Variants in CACNA2D3 observed in about 807,000 individuals in gnomAD.
CACNA2D3 encodes the protein calcium voltage-gated channel auxiliary subunit alpha2delta 3.
CACNA2D3 carries 60 observed loss-of-function variants against 160.6 expected under a neutral mutation model. The ratio of observed to expected loss-of-function variants is 0.37; its 90% CI spans 0.30 to 0.46. CACNA2D3 has a LOEUF of 0.46. CACNA2D3 is among the 20% of genes least tolerant of loss of function. The pLI, the probability that CACNA2D3 is intolerant of heterozygous loss-of-function variation, is 1.00. For synonymous variants in CACNA2D3, 558 were observed against 492.9 expected (o/e 1.13, Z -1.75); for missense variants, 1,205 against 1,365.0 (o/e 0.88, Z 1.85).
intron 11 of CACNA2D3, among the ~76,000 whole-genome samples, chr3:54,674,474 G>C (rs554766695): frequency 5.3e-5 from 8 of 152,196 alleles, no homozygotes; most frequent in Non-Finnish European, 1.5e-5. Flanking sequence ...AAGGATGACC[G>C]GCAGTGGGGA....
At chr3:54,840,317 CCCCCATTTTATAG>C (rs2106762858) in intron 16 of CACNA2D3, among the ~76,000 whole-genome samples, 1 of 152,002 alleles carries the variant, frequency 6.6e-6, no homozygotes, top group South Asian at 2.1e-4. Flanking sequence ...ATTACGGTCA[CCCCCATTTTATAG>C]TTAAAGAAAC....
chr3:54,942,723 T>TA (rs1279385817), intron 27 of CACNA2D3, among the ~76,000 whole-genome samples: 1 of 151,204 alleles, frequency 6.6e-6, no homozygotes, highest in Non-Finnish European at 1.5e-5. Flanking sequence ...GCTCCATCTC[T>TA]AAAAAAATAA....
At chr3:54,920,150 A>G (rs573813385) in intron 27 of CACNA2D3, among the ~76,000 whole-genome samples, 1 of 152,334 alleles carries the variant, frequency 6.6e-6, no homozygotes, top group South Asian at 2.1e-4. Flanking sequence ...AGGAAATTAT[A>G]CCAGAAAGAC....
chr3:54,545,921 C>T (rs1702056624), intron 5 of CACNA2D3, among the ~76,000 whole-genome samples: 1 of 152,142 alleles, frequency 6.6e-6, no homozygotes, highest in African/African-American at 2.4e-5. Context: ...GCATTCAGAT[C>T]CAAGGCTTAA....
chr3:54,122,967 C>G (rs1226840884), intron 1 of CACNA2D3, 132 bp downstream of exon 1: 2 of 832,984 alleles, frequency 2.4e-6, no homozygotes, highest in African/African-American at 3.6e-5. Context: ...CTCGCACCTG[C>G]CTTTCGGGAC....
intron 2 of CACNA2D3, among the ~76,000 whole-genome samples, chr3:54,251,194 A>C (rs1045111539): frequency 2.6e-5 from 4 of 152,058 alleles, no homozygotes; most frequent in African/African-American, 9.7e-5. Context: ...CAGTGTTTTG[A>C]AAAGAGGGAT....
intron 27 of CACNA2D3, among the ~76,000 whole-genome samples, chr3:54,914,144 G>A (rs1700613022): frequency 6.6e-6 from 1 of 152,136 alleles, no homozygotes. Flanking sequence ...TGCATGACTT[G>A]TGTAATGTTG....
intron 4 of CACNA2D3, among the ~76,000 whole-genome samples, chr3:54,446,676 G>A (rs1322661301): frequency 6.6e-6 from 1 of 152,004 alleles, no homozygotes; most frequent in Non-Finnish European, 1.5e-5. Context: ...ATTCCTAAAT[G>A]ACATTTAAGC....
intron 18 of CACNA2D3, chr3:54,874,950 C>T (rs866779984): frequency 6.6e-6 from 1 of 152,136 alleles, no homozygotes; most frequent in African/African-American, 2.4e-5. Context: ...GTGAGTACTG[C>T]CCCATAGATG....
At chr3:54,315,608 A>G (rs1703841760) in intron 2 of CACNA2D3, among the ~76,000 whole-genome samples, 1 of 152,204 alleles carries the variant, frequency 6.6e-6, no homozygotes, top group African/African-American at 2.4e-5. Context: ...GCTAGGTTTG[A>G]AACCCTCCAA....
chr3:54,316,634 C>CAG, intron 2 of CACNA2D3, among the ~76,000 whole-genome samples: 1 of 152,214 alleles, frequency 6.6e-6, no homozygotes, highest in Non-Finnish European at 1.5e-5. Flanking sequence ...CTGGAATCCA[C>CAG]AGCTTGGCAA....
At chr3:54,473,981 A>G (rs908724081) in intron 4 of CACNA2D3, among the ~76,000 whole-genome samples, 6 of 152,222 alleles carry the variant, frequency 3.9e-5, no homozygotes, top group African/African-American at 9.6e-5. Context: ...ATTGTGGAAG[A>G]CAGTGTGGTT....
intron 35 of CACNA2D3, among the ~76,000 whole-genome samples, chr3:55,021,679 GTA>G (rs3836389): frequency 0.36 from 51,253 of 141,678 alleles, 9,295 homozygotes; most frequent in Admixed American, 0.39. Flanking sequence ...ATATATATGT[GTA>G]TATATATATA....
chr3:54,421,744 A>G (rs1037534828), intron 4 of CACNA2D3, among the ~76,000 whole-genome samples: 3 of 152,174 alleles, frequency 2.0e-5, no homozygotes, highest in South Asian at 2.1e-4. Flanking sequence ...ATGAATGCAT[A>G]TGAGAAGAGG....
chr3:54,652,586 C>T (rs988904111), intron 11 of CACNA2D3, among the ~76,000 whole-genome samples: 2 of 151,972 alleles, frequency 1.3e-5, no homozygotes, highest in South Asian at 2.1e-4. Context: ...GGGAACAGTA[C>T]TTCAGAAGCC....
chr3:54,241,042 G>C (rs1207613962), intron 2 of CACNA2D3, among the ~76,000 whole-genome samples: 1 of 152,176 alleles, frequency 6.6e-6, no homozygotes, highest in Non-Finnish European at 1.5e-5. Flanking sequence ...CACCTGGCTA[G>C]AGTCTTTATA....
intron 4 of CACNA2D3, among the ~76,000 whole-genome samples, chr3:54,445,055 G>T (rs1342218570): frequency 6.6e-6 from 1 of 152,194 alleles, no homozygotes; most frequent in East Asian, 1.9e-4. Flanking sequence ...AGACTCCAGA[G>T]CCCACCTGTA....
At chr3:54,357,602 C>A (rs1006470036) in intron 3 of CACNA2D3, among the ~76,000 whole-genome samples, 1 of 152,176 alleles carries the variant, frequency 6.6e-6, no homozygotes, top group African/African-American at 2.4e-5. Context: ...AACGTATGTC[C>A]AAAACCTGCA....
intron 5 of CACNA2D3, among the ~76,000 whole-genome samples, chr3:54,516,739 C>T (rs1310747515): frequency 6.6e-6 from 1 of 152,184 alleles, no homozygotes; most frequent in Non-Finnish European, 1.5e-5. Flanking sequence ...TTATTCAAGT[C>T]CCAGGCTGGA....
Sources: allele counts gnomAD v4.1 joint callset (sites outside exome capture counted in the v4.1 genomes callset), GRCh38; gene constraint gnomAD v4.1.1; transcripts MANE v1.5; gene names NCBI Gene and HGNC (gene_info 2026-07-23, HGNC 2026-07-21).